The following MARCHF4 variants were observed in gnomAD, a reference collection of about 807,000 sequenced individuals.
MARCHF4 encodes E3 ubiquitin-protein ligase MARCHF4.
MARCHF4 carries 14 observed loss-of-function variants against 43.9 expected under a neutral mutation model. The ratio of observed to expected loss-of-function variants is 0.32; its 90% CI spans 0.21 to 0.50. MARCHF4 has a LOEUF of 0.50. Among genes scored for constraint, MARCHF4 ranks in the 20% least tolerant of loss-of-function variants. MARCHF4 has a pLI of 0.98. For synonymous variants in MARCHF4, 226 were observed against 213.3 expected, an observed-to-expected ratio of 1.06 and a Z score of -0.52; for missense variants, 468 against 536.7, an observed-to-expected ratio of 0.87 and a Z score of 1.27.
chr2:216,345,700 G>C (rs967911499), intron 1 of MARCHF4, among the ~76,000 whole-genome samples: 1 of 152,194 alleles, frequency 6.6e-6, no homozygotes, highest in Non-Finnish European at 1.5e-5. Context: ...GCTGCTCAAA[G>C]TGTGATCTGT....
chr2:216,338,292 A>G (rs1692187267), intron 1 of MARCHF4, among the ~76,000 whole-genome samples: 1 of 147,834 alleles, frequency 6.8e-6, no homozygotes, highest in Non-Finnish European at 1.5e-5. Flanking sequence ...TGTCTCTCCC[A>G]GAGCACTGAC....
At chr2:216,360,423 T>TTATTCCATC (rs1692558222) in intron 1 of MARCHF4, among the ~76,000 whole-genome samples, 1 of 152,094 alleles carries the variant, frequency 6.6e-6, no homozygotes, top group Non-Finnish European at 1.5e-5. Flanking sequence ...TGATGGAATA[T>TTATTCCATC]TATTCAGCGC....
chr2:216,326,002 C>A lies in MARCHF4; in HGVS notation c.517-42273G>T, dbSNP rs1306684785. ...AAGAGCTTCTGCACAGCAAAAGAAA[C>A]TACCATCAGAGTGAACAGGCAACCT... On this transcript the variant is annotated intron_variant, in intron 1 of 3. Transcript: ENST00000273067. Among the ~76,000 whole-genome samples, 4 of 144,660 alleles carry A rather than the reference C, an allele frequency of 2.8e-5. No homozygotes were observed. In the East Asian group the frequency reaches 8.0e-4, roughly 29 times the overall value. The allele number at this position is 144,660 out of a possible 152,430, so 94.9% of individuals were successfully genotyped here. A position where few individuals can be genotyped will look rare whatever the true frequency, so the allele number is the denominator to read the frequency against.
chr2:216,291,143 G>A (rs1359575557), intron 1 of MARCHF4, among the ~76,000 whole-genome samples: 1 of 152,098 alleles, frequency 6.6e-6, no homozygotes, highest in African/African-American at 2.4e-5. Context: ...AATGTTTAGA[G>A]GTCAGGAGAT....
chr2:216,264,413 A>T lies in MARCHF4; in HGVS notation c.866-4734T>A, dbSNP rs1690811274. Reference sequence around the variant, plus strand: ...CTGTCCCACTCTCTCACCCTCTCCCAGTTGTACCAACTCCCATCATCTCTG... The same window carrying T: ...CTGTCCCACTCTCTCACCCTCTCCCTGTTGTACCAACTCCCATCATCTCTG... On this transcript the variant is annotated intron_variant, in intron 3 of 3. Transcript: ENST00000273067. 2.0e-5 allele frequency among the ~76,000 whole-genome samples: 3 copies of T among 152,196 alleles called. No homozygotes were observed. In the South Asian group the frequency reaches 6.2e-4, roughly 31 times the overall value.
intron 1 of MARCHF4, among the ~76,000 whole-genome samples, chr2:216,306,780 A>G (rs899976446): frequency 6.6e-6 from 1 of 152,102 alleles, no homozygotes; most frequent in East Asian, 1.9e-4. Flanking sequence ...GCCCAATCTC[A>G]TACAGAGACT....
chr2:216,361,242 C>T lies in MARCHF4; in HGVS notation c.516+8503G>A, dbSNP rs115033705. 1.9e-3 allele frequency among the ~76,000 whole-genome samples: 286 copies of T among 152,206 alleles called. 2 individuals are homozygous for T. The highest frequency in any genetic ancestry group is 6.6e-3 in the African/African-American group (275 of 41,538). Reference sequence around the variant, plus strand: ...GAAAGGTGTTAAAGATATATTATCACTATGGTGAGATTTTCTCCTAGATAT... The same window carrying T: ...GAAAGGTGTTAAAGATATATTATCATTATGGTGAGATTTTCTCCTAGATAT... On this transcript the variant is annotated intron_variant, in intron 1 of 3. Coordinates refer to ENST00000273067, the MANE Select transcript of MARCHF4 (RefSeq NM_020814.3).
intron 3 of MARCHF4, among the ~76,000 whole-genome samples, chr2:216,271,444 A>T (rs1265186878): frequency 6.6e-6 from 1 of 151,976 alleles, no homozygotes; most frequent in Non-Finnish European, 1.5e-5. Context: ...GCTCTGCTCT[A>T]CCTTCCTCTG....
chr2:216,302,794 A>G (rs1465215949), intron 1 of MARCHF4, among the ~76,000 whole-genome samples: 1 of 147,884 alleles, frequency 6.8e-6, no homozygotes. Context: ...GTTACTTGAG[A>G]GGCTGTGGCA....
At chr2:216,354,968 TTTCTTTCTTTCTTTC>T (rs1367987032) in intron 1 of MARCHF4, among the ~76,000 whole-genome samples, 22 of 142,228 alleles carry the variant, frequency 1.5e-4, no homozygotes, top group African/African-American at 6.0e-4. Flanking sequence ...TCTTTCTTTC[TTTCTTTCTTTCTTTC>T]TTTTTTGAGA....
intron 1 of MARCHF4, among the ~76,000 whole-genome samples, chr2:216,319,938 A>G (rs750955658): frequency 6.6e-6 from 1 of 152,128 alleles, no homozygotes; most frequent in Non-Finnish European, 1.5e-5. Context: ...ATTCCTCACC[A>G]GAGCCTTCAC....
intron 1 of MARCHF4, among the ~76,000 whole-genome samples, chr2:216,301,091 C>T (rs1691486370): frequency 1.3e-5 from 2 of 152,186 alleles, no homozygotes; most frequent in South Asian, 4.1e-4. Flanking sequence ...AGACCCAAGG[C>T]TGCCAGCTCC....
At chr2:216,354,352 C>T (rs1574486433) in intron 1 of MARCHF4, among the ~76,000 whole-genome samples, 1 of 152,200 alleles carries the variant, frequency 6.6e-6, no homozygotes, top group African/African-American at 2.4e-5. Flanking sequence ...CTCTTAACTG[C>T]CTTGACTCCA....
At chr2:216,361,302 C>A (rs1176360724) in intron 1 of MARCHF4, among the ~76,000 whole-genome samples, 1 of 152,096 alleles carries the variant, frequency 6.6e-6, no homozygotes, top group African/African-American at 2.4e-5. Flanking sequence ...GAAAAGGGAA[C>A]AACATTCTTA....
At chr2:216,314,238 GA>G (rs1395508734) in intron 1 of MARCHF4, among the ~76,000 whole-genome samples, 2 of 151,964 alleles carry the variant, frequency 1.3e-5, no homozygotes, top group Non-Finnish European at 2.9e-5. Context: ...TTCTTAAAAT[GA>G]AAAACAGATA....
At chr2:216,340,177 A>G (rs957510746) in intron 1 of MARCHF4, among the ~76,000 whole-genome samples, 1 of 152,190 alleles carries the variant, frequency 6.6e-6, no homozygotes, top group African/African-American at 2.4e-5. Flanking sequence ...GAGCTTTTCC[A>G]CAAAGCCTGC....
At chr2:216,356,658 G>T (rs528102647) in intron 1 of MARCHF4, among the ~76,000 whole-genome samples, 20 of 152,246 alleles carry the variant, frequency 1.3e-4, no homozygotes, top group Admixed American at 1.3e-3. Flanking sequence ...AGTCTGAAAA[G>T]CCTCTTCCCT....
intron 3 of MARCHF4, among the ~76,000 whole-genome samples, chr2:216,267,837 T>C (rs1690869890): frequency 6.6e-6 from 1 of 152,202 alleles, no homozygotes. Context: ...TTGAGCTTTG[T>C]CAGAACAACT....
chr2:216,277,571 A>C, intron 3 of MARCHF4, 101 bp downstream of exon 3: 1 of 1,274,350 alleles, frequency 7.8e-7, no homozygotes, highest in Non-Finnish European at 1.1e-6. Context: ...GCCTGGGGCC[A>C]TATCTGCTTC....
Sources: allele counts gnomAD v4.1 joint callset (sites outside exome capture counted in the v4.1 genomes callset), GRCh38; gene constraint gnomAD v4.1.1; transcripts MANE v1.5; gene names NCBI Gene and HGNC (gene_info 2026-07-23, HGNC 2026-07-21).